BACH2: variants seen among roughly 807,000 people sequenced by gnomAD.
BACH2 encodes BACH transcriptional regulator 2.
A neutral mutation model predicts 61.8 loss-of-function variants in BACH2; 5 were observed. The ratio of observed to expected loss-of-function variants is 0.08; its 90% confidence interval spans 0.04 to 0.17. The LOEUF (loss-of-function observed/expected upper bound fraction) is 0.17, where lower values mean the gene tolerates loss of function less well. BACH2 is among the 10% of genes least tolerant of loss of function. BACH2 has a pLI of 1.00. For synonymous variants in BACH2, 446 were observed against 440.1 expected (o/e 1.01, Z -0.17); for missense variants, 824 against 1,091.1 (o/e 0.76, Z 3.45).
intron 3 of BACH2, among the ~76,000 whole-genome samples, chr6:90,219,942 C>G (rs774403425): frequency 1.8e-4 from 27 of 152,126 alleles, no homozygotes; most frequent in Non-Finnish European, 8.8e-5. Context: ...AGGGTTTGAT[C>G]CCAAGTGTGT....
intron 6 of BACH2, among the ~76,000 whole-genome samples, chr6:89,966,508 C>G (rs928377324): frequency 2.0e-5 from 3 of 152,200 alleles, no homozygotes; most frequent in Non-Finnish European, 4.4e-5. Context: ...CACTCTGTAG[C>G]TTTTAGGGAT....
rs576381647 is a variant in BACH2 at position 90,199,507 on chromosome 6, T to C, written c.-162+7062A>G. Among the ~76,000 whole-genome samples, 70 of 152,332 alleles carry C rather than the reference T, an allele frequency of 4.6e-4. 2 individuals carry two copies. The South Asian group carries it at 0.013, about 28-fold the overall frequency. ...TTAAATTTATCTTATCTCTCTTTCA[T>C]GCCAAATCGACCCTCTACTCAATTA... On this transcript the variant is annotated intron_variant, in intron 4 of 8. Transcript: ENST00000257749.
intron 4 of BACH2, among the ~76,000 whole-genome samples, chr6:90,146,026 A>G (rs1372289794): frequency 6.6e-6 from 1 of 152,268 alleles, no homozygotes; most frequent in Non-Finnish European, 1.5e-5. Flanking sequence ...TTTTTGCTTT[A>G]AAATTTTTAC....
intron 3 of BACH2, among the ~76,000 whole-genome samples, chr6:90,235,774 A>C (rs1770241386): frequency 6.6e-6 from 1 of 152,268 alleles, no homozygotes; most frequent in Non-Finnish European, 1.5e-5. Context: ...TTTACTCAGA[A>C]TTTAGTAAGT....
At chr6:90,204,586 G>A (rs1769076404) in intron 4 of BACH2, among the ~76,000 whole-genome samples, 1 of 152,180 alleles carries the variant, frequency 6.6e-6, no homozygotes, top group South Asian at 2.1e-4. Context: ...CGAGGAGTCT[G>A]GTTCCCAGCT....
intron 4 of BACH2, among the ~76,000 whole-genome samples, chr6:90,150,483 C>T (rs560624109): frequency 9.0e-4 from 137 of 152,280 alleles, no homozygotes; most frequent in African/African-American, 3.0e-3. Context: ...ATTACTACGG[C>T]CACTTCATTA....
rs189855157 is a variant in BACH2, at chr6:89,979,092, C to T, written c.244-27230G>A. Among the ~76,000 whole-genome samples, 108 of 152,264 alleles carry T rather than the reference C, an allele frequency of 7.1e-4. 1 individual carries two copies. The highest frequency in any genetic ancestry group is 7.4e-5 in the Non-Finnish European group (5 of 68,018). On this transcript the variant is annotated intron_variant, in intron 6 of 8. Coordinates refer to ENST00000257749, the MANE Select transcript of BACH2 (RefSeq NM_021813.4). ...GCAGATGGGTTCCTTAGCTGGAACA[C>T]CAAAGAGATTTTCCCATAAAAAATA...
chr6:89,987,024 C>G (rs577927173), intron 6 of BACH2, among the ~76,000 whole-genome samples: 8 of 152,116 alleles, frequency 5.3e-5, no homozygotes, highest in African/African-American at 1.7e-4. Context: ...CCCAGCCTTC[C>G]GTCGCCTACT....
intron 5 of BACH2, among the ~76,000 whole-genome samples, chr6:90,079,073 C>A (rs542838951): frequency 1.3e-5 from 2 of 152,178 alleles, no homozygotes; most frequent in African/African-American, 4.8e-5. Context: ...AATGGGATTG[C>A]GAAGGCACAA....
At chr6:90,009,347 C>T (rs1203098992) in intron 5 of BACH2, among the ~76,000 whole-genome samples, 6 of 152,152 alleles carry the variant, frequency 3.9e-5, no homozygotes, top group African/African-American at 1.4e-4. Flanking sequence ...GGCTGAGATG[C>T]CAAGTAGAGT....
At chr6:90,129,491 T>C (rs747971980) in intron 4 of BACH2, among the ~76,000 whole-genome samples, 3 of 152,126 alleles carry the variant, frequency 2.0e-5, no homozygotes, top group Non-Finnish European at 4.4e-5. Flanking sequence ...CCCCTCTCTG[T>C]GTCCATGTGG....
At chr6:90,173,828 T>C (rs1280215511) in intron 4 of BACH2, among the ~76,000 whole-genome samples, 2 of 152,128 alleles carry the variant, frequency 1.3e-5, no homozygotes, top group Non-Finnish European at 1.5e-5. Context: ...CATATGAAAA[T>C]TATACCTTAA....
chr6:90,283,611 G>A lies in BACH2; in HGVS notation c.-445-11670C>T, dbSNP rs937310499. On this transcript the variant is annotated intron_variant, in intron 1 of 8. Transcript: ENST00000257749. The stretch of plus-strand genomic sequence containing the variant: ...AGGATGGTCCCGATCTCCTGACCTC[G>A]TGATCCACCCGCCTCGACCTCCCAA... Among the ~76,000 whole-genome samples, 188 of 152,048 alleles carry A rather than the reference G, an allele frequency of 1.2e-3. 1 individual carries two copies. Among genetic ancestry groups the A allele is most frequent in the African/African-American group, 4.2e-3 (174 of 41,500 alleles).
chr6:90,250,175 A>G (rs900593247), intron 3 of BACH2, among the ~76,000 whole-genome samples: 1 of 152,232 alleles, frequency 6.6e-6, no homozygotes, highest in Admixed American at 6.5e-5. Flanking sequence ...AAGTCTGGTG[A>G]CCAGATCTGA....
intron 5 of BACH2, among the ~76,000 whole-genome samples, chr6:90,074,924 G>C (rs1459094065): frequency 6.6e-6 from 1 of 152,106 alleles, no homozygotes; most frequent in Non-Finnish European, 1.5e-5. Context: ...GACATGGGTA[G>C]GTAAGCAGGA....
chr6:90,078,382 G>A (rs965978844), intron 5 of BACH2, among the ~76,000 whole-genome samples: 1 of 152,010 alleles, frequency 6.6e-6, no homozygotes. Context: ...ATCTTAAAAG[G>A]AAAGAGAGGC....
intron 6 of BACH2, among the ~76,000 whole-genome samples, chr6:89,977,909 TGAGCGTAC>T (rs1049568824): frequency 6.6e-6 from 1 of 152,238 alleles, no homozygotes; most frequent in Non-Finnish European, 1.5e-5. Flanking sequence ...GGAAAAGTGC[TGAGCGTAC>T]GCTGGATCTA....
At chr6:89,975,903 TC>T (rs1775624214) in intron 6 of BACH2, among the ~76,000 whole-genome samples, 1 of 152,236 alleles carries the variant, frequency 6.6e-6, no homozygotes. Flanking sequence ...CATAATACAG[TC>T]TATGTGTTTC....
Position 89,984,417 on chromosome 6 carries a change from C to T in BACH2, c.243+24185G>A, listed in dbSNP as rs188673796. 8.3e-4 allele frequency among the ~76,000 whole-genome samples: 127 copies of T among 152,106 alleles called. 4 individuals carry two copies. The highest frequency in any genetic ancestry group is 7.5e-3 in the Admixed American group (115 of 15,292). On this transcript the variant is annotated intron_variant, in intron 6 of 8. Transcript: ENST00000257749. ...AAGCTAGAATGTCATTCTCTACCCT[C>T]ACCATAAAGAGGGCTACAGAAATAG...
Sources: gnomAD v4.1 joint callset for allele counts (sites outside exome capture counted in the v4.1 genomes callset) on GRCh38, gnomAD v4.1.1 for gene constraint, MANE v1.5 for transcripts, NCBI Gene and HGNC (gene_info 2026-07-23, HGNC 2026-07-21) for gene names.